The following KLHL20 variants were observed in gnomAD, a reference collection of about 807,000 sequenced individuals.
The protein encoded by KLHL20 is kelch-like protein 20.
A neutral mutation model predicts 69.5 loss-of-function variants in KLHL20; 29 were observed. The observed-to-expected ratio is 0.42, with a 90% CI of 0.31 to 0.57. The LOEUF (loss-of-function observed/expected upper bound fraction) is 0.57, where lower values mean the gene tolerates loss of function less well. Among genes scored for constraint, KLHL20 ranks in the 20% least tolerant of loss-of-function variants. The pLI, the probability that KLHL20 is intolerant of heterozygous loss-of-function variation, is 0.18. For synonymous variants in KLHL20, 253 were observed against 265.2 expected (o/e 0.95, Z 0.45); for missense variants, 419 against 776.0 (o/e 0.54, Z 5.47).
Position 173,734,302 on chromosome 1 carries a change from T to C in KLHL20, c.597+16T>C. On this transcript the variant is annotated intron_variant, in intron 3 of 11. Coordinates refer to ENST00000209884, the MANE Select transcript of KLHL20 (RefSeq NM_014458.4). ...CTTTCAAGAGGTGAGTTGCACTTGG[T>C]GTTCCAATGCACCCATTTGTTGGAG... 6.2e-7 allele frequency: 1 copy of C among 1,608,090 alleles called. No homozygotes were observed. Among genetic ancestry groups the C allele is most frequent in the Non-Finnish European group, 8.5e-7 (1 of 1,174,536 alleles).
chr1:173,758,797 A>C (rs73035139), intron 7 of KLHL20, among the ~76,000 whole-genome samples: 2,001 of 152,324 alleles, frequency 0.013, 50 homozygotes, highest in African/African-American at 0.046. Flanking sequence ...CCAGAGGAGC[A>C]GGGGATAAAA....
chr1:173,757,664 CAAAAA>C (rs906943946), intron 7 of KLHL20, among the ~76,000 whole-genome samples: 1 of 59,056 alleles, frequency 1.7e-5, no homozygotes, highest in Admixed American at 1.9e-4. Context: ...GACTCCTTCT[CAAAAA>C]AAAAAAAAAA....
intron 3 of KLHL20, among the ~76,000 whole-genome samples, chr1:173,736,840 C>T (rs1202989127): frequency 6.6e-6 from 1 of 152,224 alleles, no homozygotes; most frequent in African/African-American, 2.4e-5. Context: ...AGGTGATCTG[C>T]CCGCCTTGGC....
chr1:173,762,668 G>A (rs1056589275), intron 7 of KLHL20, among the ~76,000 whole-genome samples: 11 of 152,148 alleles, frequency 7.2e-5, no homozygotes, highest in Middle Eastern at 6.8e-3. Context: ...AAAAGCATTC[G>A]ACAAAACCCA....
intron 6 of KLHL20, 138 bp downstream of exon 6, chr1:173,756,176 A>C (rs1272897307): frequency 1.6e-6 from 1 of 625,554 alleles, no homozygotes; most frequent in East Asian, 2.8e-5. Flanking sequence ...TTGACTCATA[A>C]CCCATGATTC....
At chr1:173,739,444 A>AT (rs973972989) in intron 3 of KLHL20, among the ~76,000 whole-genome samples, 4 of 151,262 alleles carry the variant, frequency 2.6e-5, no homozygotes, top group South Asian at 2.1e-4. Context: ...TTTGTTAGCA[A>AT]TTTTTTTTAT....
At chr1:173,716,120 A>G in intron 2 of KLHL20, 54 bp downstream of exon 2, 1 of 1,562,936 alleles carries the variant, frequency 6.4e-7, no homozygotes, top group Admixed American at 1.7e-5. Flanking sequence ...TCAGCATGTA[A>G]TAATTTAAAT....
At chr1:173,721,560 A>G (rs1049047796) in intron 2 of KLHL20, among the ~76,000 whole-genome samples, 1 of 152,224 alleles carries the variant, frequency 6.6e-6, no homozygotes, top group Admixed American at 6.5e-5. Flanking sequence ...ATATAAAGGG[A>G]AACTAGCATG....
At chr1:173,745,051 A>G (rs868245245) in intron 3 of KLHL20, among the ~76,000 whole-genome samples, 48 of 151,804 alleles carry the variant, frequency 3.2e-4, no homozygotes, top group African/African-American at 1.1e-3. Context: ...AAGAACAGTC[A>G]TTTTATGATG....
At chr1:173,783,100 T>G (rs1648978118) in intron 11 of KLHL20, among the ~76,000 whole-genome samples, 1 of 152,240 alleles carries the variant, frequency 6.6e-6, no homozygotes, top group Non-Finnish European at 1.5e-5. Flanking sequence ...ATGGGTTTGA[T>G]GTATGGCATA....
intron 1 of KLHL20, among the ~76,000 whole-genome samples, 168 bp from the exon 2 acceptor site, chr1:173,715,835 A>G (rs1214330283): frequency 1.3e-5 from 2 of 152,210 alleles, no homozygotes. Context: ...AAGGATGGTA[A>G]TCTTAAATGT....
intron 7 of KLHL20, among the ~76,000 whole-genome samples, chr1:173,758,870 T>A (rs1448059707): frequency 6.6e-6 from 1 of 152,162 alleles, no homozygotes; most frequent in Non-Finnish European, 1.5e-5. Flanking sequence ...GTGAGAAGCC[T>A]CCTGACCAGA....
At chr1:173,752,251 G>T (rs1476604263) in intron 4 of KLHL20, among the ~76,000 whole-genome samples, 1 of 151,010 alleles carries the variant, frequency 6.6e-6, no homozygotes, top group African/African-American at 2.4e-5. Flanking sequence ...AAAAAAAACT[G>T]CTTAGTACTA....
intron 2 of KLHL20, among the ~76,000 whole-genome samples, chr1:173,729,679 A>G (rs1414880270): frequency 6.6e-6 from 1 of 152,208 alleles, no homozygotes; most frequent in African/African-American, 2.4e-5. Flanking sequence ...AACAACCTTC[A>G]TGCTAAAAAC....
intron 2 of KLHL20, among the ~76,000 whole-genome samples, chr1:173,732,507 G>A (rs764145037): frequency 2.0e-5 from 3 of 152,020 alleles, no homozygotes; most frequent in Non-Finnish European, 4.4e-5. Context: ...GCAGTGATGC[G>A]TATCTATACA....
chr1:173,759,295 C>T (rs1299191887), intron 7 of KLHL20, among the ~76,000 whole-genome samples: 5 of 152,118 alleles, frequency 3.3e-5, no homozygotes, highest in Non-Finnish European at 5.9e-5. Flanking sequence ...CCTTCCCTGT[C>T]CACCCTGGTA....
intron 10 of KLHL20, among the ~76,000 whole-genome samples, chr1:173,781,384 C>G (rs1282926858): frequency 1.3e-5 from 2 of 152,018 alleles, no homozygotes; most frequent in East Asian, 3.9e-4. Flanking sequence ...TACACAATCT[C>G]AGCTCACTGC....
chr1:173,778,236 G>A (rs766249085), intron 10 of KLHL20, among the ~76,000 whole-genome samples: 38 of 132,122 alleles, frequency 2.9e-4, no homozygotes, highest in Non-Finnish European at 5.6e-4. Flanking sequence ...CCCACCCCCC[G>A]ACAGGCCCTG....
At chr1:173,719,108 A>AAAAAAAAAAAG (rs1365422661) in intron 2 of KLHL20, among the ~76,000 whole-genome samples, 1 of 151,912 alleles carries the variant, frequency 6.6e-6, no homozygotes, top group Non-Finnish European at 1.5e-5. Flanking sequence ...CCGTCTCAAA[A>AAAAAAAAAAAG]AAAAAAAGAA....
Sources: allele counts gnomAD v4.1 joint callset (sites outside exome capture counted in the v4.1 genomes callset), GRCh38; gene constraint gnomAD v4.1.1; transcripts MANE v1.5; gene names NCBI Gene and HGNC (gene_info 2026-07-23, HGNC 2026-07-21).